The following CHL1 variants were observed in gnomAD, a reference collection of about 807,000 sequenced individuals.
CHL1 encodes the protein cell adhesion molecule L1 like, also known as neural cell adhesion molecule L1-like protein.
In CHL1, 96 loss-of-function variants were observed where a neutral mutation model predicts 141.9. The ratio of observed to expected loss-of-function variants is 0.68; its 90% CI spans 0.57 to 0.80. The LOEUF is 0.80. Among genes scored for constraint, CHL1 ranks in the 30% least tolerant of loss-of-function variants. The pLI, the probability that CHL1 is intolerant of heterozygous loss-of-function variation, is 0.00. For missense variants in CHL1, 1,820 were observed against 1,457.2 expected (o/e 1.25, Z -4.05); for synonymous variants, 613 against 502.2 (o/e 1.22, Z -2.95).
intron 9 of CHL1, among the ~76,000 whole-genome samples, chr3:345,867 C>T (rs528780197): frequency 6.6e-6 from 1 of 152,276 alleles, no homozygotes; most frequent in Admixed American, 6.5e-5. Context: ...TTATTAACTA[C>T]TGTTAAGTAC....
intron 2 of CHL1, among the ~76,000 whole-genome samples, chr3:311,921 C>G (rs141069052): frequency 6.6e-6 from 1 of 152,116 alleles, no homozygotes; most frequent in Non-Finnish European, 1.5e-5. Context: ...TCCCTGTAGT[C>G]AAATGACCAT....
intron 5 of CHL1, among the ~76,000 whole-genome samples, chr3:332,468 A>G (rs1157895428): frequency 1.3e-5 from 2 of 152,162 alleles, no homozygotes; most frequent in Non-Finnish European, 2.9e-5. Flanking sequence ...CGATATTCCT[A>G]TTTTGTAAAA....
intron 2 of CHL1, among the ~76,000 whole-genome samples, chr3:300,679 A>T (rs1698641735): frequency 6.6e-6 from 1 of 152,188 alleles, no homozygotes; most frequent in African/African-American, 2.4e-5. Flanking sequence ...TTGTCTAGTA[A>T]GAGACAAGCA....
At chr3:385,213 A>G (rs1471247096) in intron 19 of CHL1, among the ~76,000 whole-genome samples, 1 of 152,188 alleles carries the variant, frequency 6.6e-6, no homozygotes, top group African/African-American at 2.4e-5. Flanking sequence ...TTGGTTAGAT[A>G]TCAGTAATAC....
chr3:243,114 A>C (rs1398012179), intron 1 of CHL1, among the ~76,000 whole-genome samples: 1 of 152,214 alleles, frequency 6.6e-6, no homozygotes, highest in African/African-American at 2.4e-5. Context: ...TCACTGGGAT[A>C]AAGAACATTC....
chr3:310,621 G>T (rs1699675689), intron 2 of CHL1, among the ~76,000 whole-genome samples: 1 of 151,986 alleles, frequency 6.6e-6, no homozygotes, highest in African/African-American at 2.4e-5. Flanking sequence ...GCAAAATTGG[G>T]CAGAACGTGC....
chr3:245,586 C>G (rs1693088988), intron 2 of CHL1, among the ~76,000 whole-genome samples: 1 of 152,052 alleles, frequency 6.6e-6, no homozygotes, highest in African/African-American at 2.4e-5. Flanking sequence ...TTCTCAGGAG[C>G]ACATTATGTC....
chr3:354,601 TA>T lies in CHL1; in HGVS notation c.1034-38del, dbSNP rs1559299542. On this transcript the variant is annotated intron_variant, in intron 10 of 27. Coordinates refer to ENST00000256509, the MANE Select transcript of CHL1 (RefSeq NM_006614.4). ...CTTAACATTTTTGGACTTTTTGACA[TA>T]GATAACATCTCTCATGAGCTCTTCA... 1.9e-6 allele frequency: 3 copies of T among 1,570,084 alleles called. No homozygotes were observed. The Admixed American group carries it at 5.9e-5, about 31-fold the overall frequency.
At chr3:235,062 G>A (rs559269764) in intron 1 of CHL1, among the ~76,000 whole-genome samples, 3 of 151,660 alleles carry the variant, frequency 2.0e-5, no homozygotes, top group East Asian at 1.9e-4. Context: ...GTGCAGGTTA[G>A]TTACATATGT....
At chr3:210,337 G>C (rs1244504218) in intron 1 of CHL1, among the ~76,000 whole-genome samples, 1 of 152,256 alleles carries the variant, frequency 6.6e-6, no homozygotes, top group Non-Finnish European at 1.5e-5. Context: ...AATTTAGGCA[G>C]GGCTCCGCTG....
intron 2 of CHL1, among the ~76,000 whole-genome samples, chr3:259,062 T>G (rs1359561667): frequency 1.3e-5 from 2 of 151,180 alleles, no homozygotes; most frequent in Non-Finnish European, 2.9e-5. Flanking sequence ...GCATCCTGGG[T>G]AACTGGCATT....
Position 391,756 on chromosome 3 carries a change from T to A in CHL1, c.2873T>A (p.Leu958Ter), listed in dbSNP as rs200769293. 3 of 1,599,758 alleles carry A rather than the reference T, an allele frequency of 1.9e-6. No homozygotes were observed. ...ATLSWGLPKKLNGNLTGYLLQ... is the reference protein window; with the variant it reads ...ATLSWGLPKK ...TTATCTTGGGGACTACCTAAGAAAT[T>A]AAATGGAAACTTAACTGGCTATCTT... Residue 958 changes from leucine (L) to a stop codon, truncating the protein, a stop_gained, in exon 23 of 28, where the codon TTA (leucine) becomes TAA (stop). Coordinates refer to ENST00000256509, the MANE Select transcript of CHL1 (RefSeq NM_006614.4). LOFTEE classifies it high-confidence loss of function.
At chr3:242,019 G>A (rs2125095156) in intron 1 of CHL1, among the ~76,000 whole-genome samples, 1 of 152,196 alleles carries the variant, frequency 6.6e-6, no homozygotes, top group African/African-American at 2.4e-5. Context: ...GTAGTGTATT[G>A]TGTATATACC....
chr3:385,304 G>A (rs1220244327), intron 19 of CHL1, among the ~76,000 whole-genome samples: 1 of 152,076 alleles, frequency 6.6e-6, no homozygotes, highest in African/African-American at 2.4e-5. Context: ...TACTCCTTTG[G>A]GAGGGCTGTG....
chr3:367,461 G>C (rs73013184), intron 15 of CHL1, among the ~76,000 whole-genome samples: 3,423 of 152,192 alleles, frequency 0.022, 61 homozygotes, highest in South Asian at 0.031. Context: ...TTGTGCTTTA[G>C]TTTTAAATCC....
intron 14 of CHL1, chr3:363,782 C>G (rs1387159772): frequency 6.3e-6 from 1 of 159,086 alleles, no homozygotes; most frequent in East Asian, 1.8e-4. Flanking sequence ...TGAGGCATGA[C>G]AGAATGAGGA....
intron 2 of CHL1, among the ~76,000 whole-genome samples, chr3:303,495 G>C (rs1427531801): frequency 2.0e-5 from 3 of 152,116 alleles, no homozygotes; most frequent in African/African-American, 7.2e-5. Flanking sequence ...TATCTCAGTA[G>C]CAATTGTGAA....
At chr3:401,388 A>G (rs553009297) in intron 26 of CHL1, among the ~76,000 whole-genome samples, 112 of 152,326 alleles carry the variant, frequency 7.4e-4, no homozygotes, top group Admixed American at 1.4e-3. Flanking sequence ...ACGTGAAAAT[A>G]TGCAACATGC....
At chr3:283,152 A>G (rs556370995) in intron 2 of CHL1, among the ~76,000 whole-genome samples, 22 of 152,344 alleles carry the variant, frequency 1.4e-4, no homozygotes, top group African/African-American at 4.8e-4. Flanking sequence ...TTTGAAAAAG[A>G]TATTATTATG....
Sources: allele counts gnomAD v4.1 joint callset (sites outside exome capture counted in the v4.1 genomes callset), GRCh38; gene constraint gnomAD v4.1.1; transcripts MANE v1.5; gene names NCBI Gene and HGNC (gene_info 2026-07-23, HGNC 2026-07-21).